GLYAT: variants seen among roughly 807,000 people sequenced by gnomAD.
The protein encoded by GLYAT is glycine-N-acyltransferase, also known as glycine N-acyltransferase.
In GLYAT, 25 loss-of-function variants were observed where a neutral mutation model predicts 22.8. The observed-to-expected ratio is 1.09, with a 90% CI of 0.80 to 1.53. The LOEUF (loss-of-function observed/expected upper bound fraction) is 1.53, where lower values mean the gene tolerates loss of function less well. GLYAT is among the 40% of genes most tolerant of loss of function. The probability of loss-of-function intolerance (pLI) is 0.00; values close to 1 mark genes in which losing one functional copy is unlikely to be tolerated. For missense variants in GLYAT, 411 were observed against 353.9 expected (o/e 1.16, Z -1.29); for synonymous variants, 140 against 122.7 (o/e 1.14, Z -0.93).
chr11:58,724,539 G>T, intron 1 of GLYAT, 28 bp from the exon 2 acceptor site: 1 of 1,269,942 alleles, frequency 7.9e-7, no homozygotes, highest in Non-Finnish European at 1.1e-6. Flanking sequence ...GAACATACAG[G>T]ATTGAGAAAA....
chr11:58,727,098 T>A (rs749873795), intron 1 of GLYAT, among the ~76,000 whole-genome samples: 1 of 152,076 alleles, frequency 6.6e-6, no homozygotes, highest in Non-Finnish European at 1.5e-5. Context: ...GGCCCTAGGT[T>A]GTGACAGGAA....
intron 1 of GLYAT, among the ~76,000 whole-genome samples, chr11:58,731,197 A>T (rs1856868065): frequency 6.6e-6 from 1 of 152,126 alleles, no homozygotes; most frequent in Non-Finnish European, 1.5e-5. Flanking sequence ...AGTGCAACAA[A>T]CTTCTTAGTA....
chr11:58,713,830 G>A (rs1226151661), intron 3 of GLYAT, among the ~76,000 whole-genome samples: 2 of 151,902 alleles, frequency 1.3e-5, no homozygotes, highest in Non-Finnish European at 2.9e-5. Context: ...TTTAATAAAA[G>A]ATCAAATAAT....
chr11:58,728,793 CAG>C lies in GLYAT; in HGVS notation c.-16+3040_-16+3041del, dbSNP rs780354265. 3 of 126,238 alleles carry C rather than the reference CAG, an allele frequency of 2.4e-5. No individual in the cohort carries two copies. The Admixed American group carries it at 2.6e-4, about 11-fold the overall frequency. The allele number at this position is 126,238 out of a possible 1,614,324, so 7.8% of individuals were successfully genotyped here. The stretch of plus-strand genomic sequence containing the variant: ...GGTGGAGCTTCGTTGAGAGAGTAAA[CAG>C]AGAGATGAGAGAGAGAGAGAGAGAA... On this transcript the variant is annotated intron_variant, in intron 1 of 5. Coordinates refer to ENST00000344743, the MANE Select transcript of GLYAT (RefSeq NM_201648.3).
chr11:58,729,984 G>A (rs1856855257), intron 1 of GLYAT, among the ~76,000 whole-genome samples: 1 of 152,084 alleles, frequency 6.6e-6, no homozygotes, highest in African/African-American at 2.4e-5. Flanking sequence ...CTAACAAAGA[G>A]GTATGGCTCT....
chr11:58,724,654 T>C (rs780433428), intron 1 of GLYAT, 143 bp from the exon 2 acceptor site: 1 of 415,050 alleles, frequency 2.4e-6, no homozygotes. Context: ...CAAGAGAAAA[T>C]GAGACTCGTA....
At chr11:58,710,224 T>C (rs1398080955) in intron 5 of GLYAT, 56 bp from the exon 6 acceptor site, 1 of 1,542,722 alleles carries the variant, frequency 6.5e-7, no homozygotes, top group Admixed American at 2.0e-5. Flanking sequence ...TTGTATTTGC[T>C]GTGACCTCTA....
chr11:58,712,245 T>C (rs1396016778), intron 4 of GLYAT, among the ~76,000 whole-genome samples: 1 of 152,194 alleles, frequency 6.6e-6, no homozygotes, highest in Non-Finnish European at 1.5e-5. Context: ...GTGCCTTGTG[T>C]TTTAGGTAAC....
chr11:58,710,868 C>T (rs1441763852), intron 4 of GLYAT, 107 bp from the exon 5 acceptor site: 1 of 720,436 alleles, frequency 1.4e-6, no homozygotes, highest in South Asian at 1.7e-5. Flanking sequence ...AATCTTGGTT[C>T]TGGGCTTGGT....
At chr11:58,712,966 A>C in intron 3 of GLYAT, 80 bp from the exon 4 acceptor site, 1 of 879,730 alleles carries the variant, frequency 1.1e-6, no homozygotes, top group Non-Finnish European at 1.7e-6. Context: ...TGATATTTCT[A>C]AGTAATAAAA....
intron 3 of GLYAT, 70 bp from the exon 4 acceptor site, chr11:58,712,956 T>A: frequency 2.0e-6 from 2 of 984,902 alleles, no homozygotes; most frequent in Non-Finnish European, 3.0e-6. Flanking sequence ...TTTTATACTG[T>A]GATATTTCTA....
chr11:58,725,256 C>T (rs1006399957), intron 1 of GLYAT, among the ~76,000 whole-genome samples: 3 of 152,172 alleles, frequency 2.0e-5, no homozygotes, highest in African/African-American at 7.2e-5. Context: ...ATCTGTGGTA[C>T]ATTTTGTAGA....
intron 2 of GLYAT, among the ~76,000 whole-genome samples, chr11:58,722,923 G>C (rs1856768137): frequency 6.6e-6 from 1 of 151,998 alleles, no homozygotes; most frequent in East Asian, 1.9e-4. Context: ...AAATTTTAGA[G>C]TTCCATTAGG....
chr11:58,728,186 C>T (rs1004699692), intron 1 of GLYAT, among the ~76,000 whole-genome samples: 1 of 148,798 alleles, frequency 6.7e-6, no homozygotes, highest in Non-Finnish European at 1.5e-5. Flanking sequence ...CCTCAGATTC[C>T]TGAGTAGCTG....
chr11:58,714,873 C>T (rs766600217), intron 3 of GLYAT, among the ~76,000 whole-genome samples: 11 of 152,112 alleles, frequency 7.2e-5, no homozygotes, highest in Non-Finnish European at 1.0e-4. Flanking sequence ...AGCATGAGAA[C>T]GGACTAAAAC....
chr11:58,728,225 A>G (rs960521449), intron 1 of GLYAT, among the ~76,000 whole-genome samples: 1 of 151,340 alleles, frequency 6.6e-6, no homozygotes, highest in Non-Finnish European at 1.5e-5. Context: ...ACCACACCCA[A>G]GTAATTTTTG....
rs192235966 is a variant in GLYAT, at chr11:58,709,952, C to T, written c.705G>A (p.Pro235=). 144 of 1,614,044 alleles carry T rather than the reference C, an allele frequency of 8.9e-5. No homozygotes were observed. In the East Asian group the frequency reaches 9.6e-4, roughly 11 times the overall value. Residue 235 remains proline (P), a synonymous_variant, in exon 6 of 6, where the codon CCG becomes CCA. Coordinates refer to ENST00000344743, the MANE Select transcript of GLYAT (RefSeq NM_201648.3). The part of the protein sequence containing the change: ...TGEMRMAGTL[P]EYRLHGLVTY... ...TCACAAGGCCATGGAGCCGGTATTC[C>T]GGCAAGGTGCCTGCCATTCTCATCT...
At position 58,712,828 on chromosome 11, in the gene GLYAT, G is replaced by T. The variant is rs1856633046; in HGVS notation, c.248C>A (p.Pro83His). Residue 83 changes from proline (P) to histidine (H), a missense_variant, in exon 4 of 6, where the codon CCC (proline) becomes CAC (histidine). Pro to His is a moderately conservative substitution (Grantham distance 77). Coordinates refer to ENST00000344743, the MANE Select transcript of GLYAT (RefSeq NM_201648.3). ...TCCAAGGAATTCCTGACAGTTTTGG[G>T]GATCTTTGGAGTAGATTTGGTAAGT... ...TNTYQIYSKD[P>H]QNCQEFLGSP... 14 of 1,608,680 alleles carry T rather than the reference G, an allele frequency of 8.7e-6. No individual in the cohort carries two copies. Among genetic ancestry groups the T allele is most frequent in the Non-Finnish European group, 1.1e-5 (13 of 1,175,200 alleles).
chr11:58,710,012 G>A lies in GLYAT; in HGVS notation c.645C>T (p.Thr215=), dbSNP rs2134477346. The change falls in exon 6 of 6, where the codon ACC becomes ACT. Residue 215 remains threonine (T), a synonymous_variant. Coordinates refer to ENST00000344743, the MANE Select transcript of GLYAT (RefSeq NM_201648.3). Reference sequence around the variant, plus strand: ...GGTCCATTAGATCCCAGCACACAGGGGTCCCCTCAGGCCCCAGGAGACAGC... The same window carrying A: ...GGTCCATTAGATCCCAGCACACAGGAGTCCCCTCAGGCCCCAGGAGACAGC... ...PTCCLLGPEG[T]PVCWDLMDQT... is the part of the protein sequence containing the mutation. 6.2e-7 allele frequency: 1 copy of A among 1,614,062 alleles called. No homozygotes were observed. Among genetic ancestry groups the A allele is most frequent in the Non-Finnish European group, 8.5e-7 (1 of 1,179,966 alleles).
Sources: allele counts gnomAD v4.1 joint callset (sites outside exome capture counted in the v4.1 genomes callset), GRCh38; gene constraint gnomAD v4.1.1; transcripts MANE v1.5; gene names NCBI Gene and HGNC (gene_info 2026-07-23, HGNC 2026-07-21).